Variants in SLC4A7 observed in about 807,000 individuals in gnomAD.
SLC4A7 encodes solute carrier family 4 member 7.
In SLC4A7, 51 loss-of-function variants were observed where a neutral mutation model predicts 137.6. The observed-to-expected ratio is 0.37, with a 90% CI of 0.30 to 0.47. The LOEUF (loss-of-function observed/expected upper bound fraction) is 0.47, where lower values mean the gene tolerates loss of function less well. Ranked by LOEUF, SLC4A7 falls within the 20% of genes least tolerant of loss-of-function variation. The probability of loss-of-function intolerance (pLI) is 1.00; values close to 1 mark genes in which losing one functional copy is unlikely to be tolerated. For missense variants in SLC4A7, 1,247 were observed against 1,525.4 expected (o/e 0.82, Z 3.04); for synonymous variants, 542 against 518.6 (o/e 1.05, Z -0.61).
intron 7 of SLC4A7, chr3:27,428,203 T>G (rs2055858499): frequency 6.5e-6 from 1 of 154,314 alleles, no homozygotes; most frequent in Admixed American, 6.5e-5. Flanking sequence ...TTAAGCTTTA[T>G]CTTTTTCACG....
At chr3:27,396,285 C>G (rs1207649932) in intron 18 of SLC4A7, among the ~76,000 whole-genome samples, 2 of 152,086 alleles carry the variant, frequency 1.3e-5, no homozygotes, top group Non-Finnish European at 2.9e-5. Flanking sequence ...GCCATTTACT[C>G]TTAAGAGTTC....
At chr3:27,431,234 G>C (rs1005437000) in intron 7 of SLC4A7, 64 bp downstream of exon 7, 16 of 1,492,558 alleles carry the variant, frequency 1.1e-5, no homozygotes, top group Middle Eastern at 1.9e-4. Flanking sequence ...GTGCTAAAAG[G>C]CATTCCAAGT....
rs556819975 is a variant in SLC4A7, at chr3:27,391,793, C to T, written c.3133G>A (p.Val1045Ile). 1.3e-6 allele frequency: 2 copies of T among 1,594,410 alleles called. No individual in the cohort carries two copies. Among genetic ancestry groups the T allele is most frequent in the Admixed American group, 1.7e-5 (1 of 58,720 alleles). ...TSVLKFIPMPVLYGVFLYMGV... is the reference protein window; with the variant it reads ...TSVLKFIPMPILYGVFLYMGV... ...ATATAAAGGAAAACACCATACAGAACAGGCATTGGAATAAACTGTAAATAA... is the reference window on the plus strand; with the variant it reads ...ATATAAAGGAAAACACCATACAGAATAGGCATTGGAATAAACTGTAAATAA... The change falls in exon 21 of 26, where the codon GTT (valine) becomes ATT (isoleucine). Residue 1045 changes from valine (V) to isoleucine (I), a missense_variant. Transcript: ENST00000454389.
chr3:27,474,000 T>C (rs57346846), intron 1 of SLC4A7, among the ~76,000 whole-genome samples: 2 of 152,252 alleles, frequency 1.3e-5, no homozygotes, highest in African/African-American at 4.8e-5. Flanking sequence ...TAAAGTATAA[T>C]TTATTATCGT....
At chr3:27,474,924 A>G (rs2059402300) in intron 1 of SLC4A7, among the ~76,000 whole-genome samples, 1 of 152,036 alleles carries the variant, frequency 6.6e-6, no homozygotes, top group African/African-American at 2.4e-5. Context: ...CCTGGCCAAC[A>G]TGGTGAAACC....
chr3:27,383,881 T>C (rs1244835652), intron 23 of SLC4A7, among the ~76,000 whole-genome samples: 2 of 152,188 alleles, frequency 1.3e-5, no homozygotes, highest in African/African-American at 4.8e-5. Context: ...ATAACCATCA[T>C]GGTACTTCCT....
chr3:27,426,520 T>C (rs892669484), intron 7 of SLC4A7, among the ~76,000 whole-genome samples: 1 of 152,056 alleles, frequency 6.6e-6, no homozygotes, highest in Non-Finnish European at 1.5e-5. Flanking sequence ...TGTATATATA[T>C]CATCAAAAGC....
intron 25 of SLC4A7, 112 bp downstream of exon 25, chr3:27,379,137 C>A: frequency 1.6e-6 from 1 of 628,250 alleles, no homozygotes. Flanking sequence ...ATTATTTATA[C>A]CTTATTCCAA....
chr3:27,418,660 A>C, intron 10 of SLC4A7, 28 bp from the exon 11 acceptor site: 1 of 1,468,686 alleles, frequency 6.8e-7, no homozygotes. Flanking sequence ...TGAGTAAAAG[A>C]TTTTAAAGTT....
At chr3:27,459,273 C>T (rs895281578) in intron 1 of SLC4A7, among the ~76,000 whole-genome samples, 3 of 152,098 alleles carry the variant, frequency 2.0e-5, no homozygotes, top group Admixed American at 6.5e-5. Flanking sequence ...CACCAAAATA[C>T]GAAAGACACA....
intron 5 of SLC4A7, 57 bp downstream of exon 5, chr3:27,436,331 G>A (rs1429469441): frequency 7.7e-7 from 1 of 1,298,872 alleles, no homozygotes; most frequent in Non-Finnish European, 1.1e-6. Flanking sequence ...GTTGTTAAAT[G>A]AATGTCTAAA....
intron 1 of SLC4A7, among the ~76,000 whole-genome samples, chr3:27,482,091 C>A (rs747584315): frequency 6.6e-6 from 1 of 152,170 alleles, no homozygotes; most frequent in Non-Finnish European, 1.5e-5. Flanking sequence ...CGAGATCAGG[C>A]CATTGCGCTC....
intron 1 of SLC4A7, among the ~76,000 whole-genome samples, chr3:27,461,455 T>G (rs1360850131): frequency 1.3e-5 from 2 of 151,636 alleles, no homozygotes; most frequent in African/African-American, 4.8e-5. Flanking sequence ...AGGCAGCCAA[T>G]TACAAGATAA....
chr3:27,465,760 C>T (rs1236306237), intron 1 of SLC4A7, among the ~76,000 whole-genome samples: 1 of 151,556 alleles, frequency 6.6e-6, no homozygotes, highest in Non-Finnish European at 1.5e-5. Flanking sequence ...GAGATCGAAA[C>T]CACCCTGGCT....
rs1241399397 is a variant in SLC4A7, at chr3:27,372,784, A to G, written c.*3980T>C. The G allele has an allele frequency of 6.6e-6, 1 of 152,664 alleles. No individual in the cohort carries two copies. Among genetic ancestry groups the G allele is most frequent in the Non-Finnish European group, 1.5e-5 (1 of 68,036 alleles). The allele number at this position is 152,664 out of a possible 1,614,324, so 9.5% of individuals were successfully genotyped here. Reference sequence around the variant, plus strand: ...TAACATCTCCAAAAAAATAGTTTTCATCTAACAATTATGAAACAAATTTGA... The same window carrying G: ...TAACATCTCCAAAAAAATAGTTTTCGTCTAACAATTATGAAACAAATTTGA... On this transcript the variant is annotated 3_prime_UTR_variant, in exon 26 of 26. Coordinates refer to ENST00000454389, the MANE Select transcript of SLC4A7 (RefSeq NM_001321103.2).
intron 24 of SLC4A7, 126 bp from the exon 25 acceptor site, chr3:27,379,482 C>A (rs1350479687): frequency 1.8e-6 from 1 of 570,608 alleles, no homozygotes; most frequent in African/African-American, 1.8e-5. Context: ...AATTTGAATT[C>A]TGTTACAAAG....
intron 7 of SLC4A7, among the ~76,000 whole-genome samples, chr3:27,425,370 TAAAAAAAAAAA>T (rs56153970): frequency 3.5e-5 from 2 of 56,996 alleles, no homozygotes; most frequent in East Asian, 1.2e-3. Flanking sequence ...AACTCCGTCC[TAAAAAAAAAAA>T]AAAAAAAAAA....
intron 3 of SLC4A7, among the ~76,000 whole-genome samples, chr3:27,446,871 T>G (rs1287598274): frequency 1.2e-4 from 9 of 77,022 alleles, no homozygotes; most frequent in African/African-American, 1.5e-4. Context: ...TAGAGTTTTT[T>G]TTTGTTTTTT....
chr3:27,469,965 A>C (rs2059167754), intron 1 of SLC4A7, among the ~76,000 whole-genome samples: 1 of 152,210 alleles, frequency 6.6e-6, no homozygotes, highest in Non-Finnish European at 1.5e-5. Context: ...TAAAAAATAA[A>C]TACTTGCCTT....
Sources: gnomAD v4.1 joint callset for allele counts (sites outside exome capture counted in the v4.1 genomes callset) on GRCh38, gnomAD v4.1.1 for gene constraint, MANE v1.5 for transcripts, NCBI Gene and HGNC (gene_info 2026-07-23, HGNC 2026-07-21) for gene names.